The following FOXD4 variants were observed in gnomAD, a reference collection of about 807,000 sequenced individuals.
FOXD4 encodes the protein forkhead box protein D4.
In FOXD4, 22 loss-of-function variants were observed where a neutral mutation model predicts 26.5. The ratio of observed to expected loss-of-function variants is 0.83; its 90% confidence interval spans 0.59 to 1.18. The LOEUF is 1.18. FOXD4 is among the 50% of genes most tolerant of loss of function. The pLI is 0.00. For synonymous variants in FOXD4, 258 were observed against 273.7 expected (o/e 0.94, Z 0.57); for missense variants, 625 against 605.8 (o/e 1.03, Z -0.33).
chr9:118,369 T>C lies in FOXD4; in HGVS notation c.-250A>G, dbSNP rs1263329687. Among the ~76,000 whole-genome samples, 1 of 149,652 alleles carries C rather than the reference T, an allele frequency of 6.7e-6. No homozygotes were observed. The highest frequency in any genetic ancestry group is 1.5e-5 in the Non-Finnish European group (1 of 67,180). On this transcript the variant is annotated 5_prime_UTR_variant, in exon 1 of 1. Transcript: ENST00000382500. ...CCTTTATAACCCTTCTTCCCCTACC[T>C]CGGAGCGGTGCCACTTCCTCCTAAC... is the stretch of plus-strand genomic sequence containing the variant.
Position 118,362 on chromosome 9 carries a change from C to T in FOXD4, c.-243G>A, listed in dbSNP as rs143474290. Among the ~76,000 whole-genome samples, 897 of 150,052 alleles carry T rather than the reference C, an allele frequency of 6.0e-3. 9 individuals carry two copies. The highest frequency in any genetic ancestry group is 0.021 in the African/African-American group (850 of 41,144). On this transcript the variant is annotated 5_prime_UTR_variant, in exon 1 of 1. Coordinates refer to ENST00000382500, the MANE Select transcript of FOXD4 (RefSeq NM_207305.5). ...ACGCCTCCCTTTATAACCCTTCTTCCCCTACCTCGGAGCGGTGCCACTTCC... is the reference window on the plus strand; with the variant it reads ...ACGCCTCCCTTTATAACCCTTCTTCTCCTACCTCGGAGCGGTGCCACTTCC...
chr9:117,531 T>A lies in FOXD4; in HGVS notation c.589A>T (p.Arg197Trp), dbSNP rs771720191. ...MFDNGSFLRRRKRFQRHQPTP... is the reference protein window; with the variant it reads ...MFDNGSFLRRWKRFQRHQPTP... ...GGTTGGTGGCGCTGGAAACGCTTCC[T>A]ACGCCGGAGAAAGCTGCCATTGTCG... Residue 197 changes from arginine (R) to tryptophan (W), a missense_variant, in exon 1 of 1, where the codon AGG becomes TGG. Around this residue, in one of 3 missense-constraint regions of FOXD4, gnomAD observed 399 missense variants for 329.4 expected, o/e 1.21. Transcript: ENST00000382500. 2 of 1,612,328 alleles carry A rather than the reference T, an allele frequency of 1.2e-6. No individual in the cohort carries two copies. Among genetic ancestry groups the A allele is most frequent in the African/African-American group, 2.7e-5 (2 of 74,854 alleles).
chr9:116,901 G>T lies in FOXD4; in HGVS notation c.1219C>A (p.Leu407Met). ...CCCAAAGGGGCGGCCAGCGATGTCA[G>T]CCCAGAGCCCTCTGCCACCGCCTGA... is the stretch of plus-strand genomic sequence containing the variant. The part of the protein sequence containing the change: ...RYQAVAEGSG[L>M]TSLAAPLGGE... The change falls in exon 1 of 1, where the codon CTG (leucine) becomes ATG (methionine). Residue 407 changes from leucine (L) to methionine (M), a missense_variant. Leu to Met is a conservative substitution (Grantham distance 15). Coordinates refer to ENST00000382500, the MANE Select transcript of FOXD4 (RefSeq NM_207305.5). 2 of 1,611,032 alleles carry T rather than the reference G, an allele frequency of 1.2e-6. No individual in the cohort carries two copies. The highest frequency in any genetic ancestry group is 1.7e-6 in the Non-Finnish European group (2 of 1,179,230).
rs79220013 is a variant in FOXD4 at position 116,800 on chromosome 9, C to T, written c.1320G>A (p.Ter440=). 6.3e-6 allele frequency: 10 copies of T among 1,591,474 alleles called. No individual in the cohort carries two copies. In the South Asian group the frequency reaches 1.0e-4, roughly 16 times the overall value. ...GGTCGCTCCCCACTCCCACCTGGCT[C>T]TAGGAGGGCCCTGCGGACTCGGCCA... ...SSLAESAGPS[*] The change falls in exon 1 of 1, where the codon TAG becomes TAA. Residue 440 remains the stop codon, a stop_retained_variant. Transcript: ENST00000382500.
rs1238608101 is a variant in FOXD4 at position 118,332 on chromosome 9, G to T, written c.-213C>A. The T allele has an allele frequency of 1.2e-5, 11 of 938,712 alleles. No individual in the cohort carries two copies. Among genetic ancestry groups the T allele is most frequent in the African/African-American group, 1.6e-5 (1 of 60,678 alleles). The allele number at this position is 938,712 out of a possible 1,614,324, so 58.1% of individuals were successfully genotyped here. A position where few individuals can be genotyped will look rare whatever the true frequency, so the allele number is the denominator to read the frequency against. On this transcript the variant is annotated 5_prime_UTR_variant, in exon 1 of 1. Coordinates refer to ENST00000382500, the MANE Select transcript of FOXD4 (RefSeq NM_207305.5). ...TAAAAGCTTCTTCAAGACCATGTGT[G>T]GTGGACGCCTCCCTTTATAACCCTT... is the stretch of plus-strand genomic sequence containing the variant.
At position 118,102 on chromosome 9, in the gene FOXD4, A is replaced by G. The variant is rs566509572; in HGVS notation, c.18T>C (p.Ala6=). 6 of 1,611,954 alleles carry G rather than the reference A, an allele frequency of 3.7e-6. No individual in the cohort carries two copies. The highest frequency in any genetic ancestry group is 1.7e-5 in the Admixed American group (1 of 60,016). Residue 6 remains alanine (A), a synonymous_variant, in exon 1 of 1, where the codon GCT becomes GCC. Transcript: ENST00000382500. MNLPR[A]ERLRSTPQRS... is the part of the protein sequence containing the mutation. ...GCTGCGGTGTGGAGCGAAGGCGCTC[A>G]GCTCTTGGCAAGTTCATGGCGGAGC...
In FOXD4 at chr9:117,893, G is replaced by T; in HGVS notation, c.227C>A (p.Pro76Gln). The change falls in exon 1 of 1, where the codon CCG becomes CAG. Residue 76 changes from proline (P) to glutamine (Q), a missense_variant. By Grantham distance (76) the Pro-to-Gln change is moderately conservative. This residue lies in a region of FOXD4 where 399 missense variants were observed against 329.4 expected (regional missense o/e 1.21). Coordinates refer to ENST00000382500, the MANE Select transcript of FOXD4 (RefSeq NM_207305.5). ...PREHIEGGGG[P>Q]SDPSEFGTEF... is the part of the protein sequence containing the mutation. ...GGTGCCAAACTCTGAGGGGTCGCTCGGGCCGCCGCCGCCCTCGATGTGCTC... is the reference window on the plus strand; with the variant it reads ...GGTGCCAAACTCTGAGGGGTCGCTCTGGCCGCCGCCGCCCTCGATGTGCTC... 1 of 1,611,844 alleles carries T rather than the reference G, an allele frequency of 6.2e-7. No individual in the cohort carries two copies. The highest frequency in any genetic ancestry group is 1.7e-5 in the Admixed American group (1 of 60,002).
chr9:116,946 C>A lies in FOXD4; in HGVS notation c.1174G>T (p.Ala392Ser). The change falls in exon 1 of 1, where the codon GCG becomes TCG. Residue 392 changes from alanine to serine, a missense_variant. Physicochemically the swap from Ala to Ser is moderately conservative, Grantham distance 99. Coordinates refer to ENST00000382500, the MANE Select transcript of FOXD4 (RefSeq NM_207305.5). Reference protein sequence around the residue: ...GAVLGGHLSAASALLRYQAVA... With the variant: ...GAVLGGHLSASSALLRYQAVA... ...GCCTGATACCGCAGCAGCGCCGACG[C>A]GGCCGACAGGTGCCCGCCCAGCACC... 6 of 1,611,390 alleles carry A rather than the reference C, an allele frequency of 3.7e-6. No individual in the cohort carries two copies. Among genetic ancestry groups the A allele is most frequent in the Non-Finnish European group, 5.1e-6 (6 of 1,179,462 alleles).
rs761286086 is a variant in FOXD4 at position 116,971 on chromosome 9, C to A, written c.1149G>T (p.Ala383=). ...CGGCCGACAGGTGCCCGCCCAGCAC[C>A]GCGCCCTTGGTGGGAGCGCAGCCGT... ...CANGCAPTKG[A]VLGGHLSAAS... The change falls in exon 1 of 1, where the codon GCG becomes GCT. Residue 383 remains alanine, a synonymous_variant. Coordinates refer to ENST00000382500, the MANE Select transcript of FOXD4 (RefSeq NM_207305.5). 6.2e-6 allele frequency: 10 copies of A among 1,611,932 alleles called. No homozygotes were observed. Among genetic ancestry groups the A allele is most frequent in the Non-Finnish European group, 8.5e-6 (10 of 1,179,792 alleles).
Position 118,375 on chromosome 9 carries a change from C to T in FOXD4, c.-256G>A, listed in dbSNP as rs112553853. Among the ~76,000 whole-genome samples, 1 of 149,882 alleles carries T rather than the reference C, an allele frequency of 6.7e-6. No individual in the cohort carries two copies. On this transcript the variant is annotated 5_prime_UTR_variant, in exon 1 of 1. Transcript: ENST00000382500. ...TAACCCTTCTTCCCCTACCTCGGAG[C>T]GGTGCCACTTCCTCCTAACGTAGTC...
In FOXD4 at chr9:118,177, G is replaced by A; in HGVS notation, c.-58C>T. ...GGCGGCCGGATCACCTGGCCCCGGCGGGCTGAGCTGGAAGCCCGGGATGAA... is the reference window on the plus strand; with the variant it reads ...GGCGGCCGGATCACCTGGCCCCGGCAGGCTGAGCTGGAAGCCCGGGATGAA... On this transcript the variant is annotated 5_prime_UTR_variant, in exon 1 of 1. Coordinates refer to ENST00000382500, the MANE Select transcript of FOXD4 (RefSeq NM_207305.5). 13 of 1,301,130 alleles carry A rather than the reference G, an allele frequency of 1.0e-5. No homozygotes were observed. The Middle Eastern group carries it at 8.0e-4, about 80-fold the overall frequency. The allele number at this position is 1,301,130 out of a possible 1,614,324, so 80.6% of individuals were successfully genotyped here. A position where few individuals can be genotyped will look rare whatever the true frequency, so the allele number is the denominator to read the frequency against.
chr9:116,612 T>C lies in FOXD4; in HGVS notation c.*188A>G, dbSNP rs1303956166. The C allele has an allele frequency of 9.8e-6, 10 of 1,024,520 alleles. No individual in the cohort carries two copies. The highest frequency in any genetic ancestry group is 4.2e-6 in the Non-Finnish European group (3 of 709,448). The allele number at this position is 1,024,520 out of a possible 1,614,324, so 63.5% of individuals were successfully genotyped here. On this transcript the variant is annotated 3_prime_UTR_variant, in exon 1 of 1. Transcript: ENST00000382500. ...ACAACCGAAGGCAAGAAAAGATGAC[T>C]TGACGCCCTGCGAAGGTTACGTTCA...
Position 117,991 on chromosome 9 carries a change from G to A in FOXD4, c.129C>T (p.Ser43=), listed in dbSNP as rs770564766. 6.2e-7 allele frequency: 1 copy of A among 1,611,942 alleles called. No individual in the cohort carries two copies. Among genetic ancestry groups the A allele is most frequent in the East Asian group, 2.2e-5 (1 of 44,868 alleles). The stretch of plus-strand genomic sequence containing the variant: ...GGAGCGACTGCTCTAGGAACTGCTG[G>A]CTCGCCGCCTCCTCCTCGTCTTCAT... ...EEDEDEEEAA[S]QQFLEQSLQP... Residue 43 remains serine, a synonymous_variant, in exon 1 of 1, where the codon AGC becomes AGT. Coordinates refer to ENST00000382500, the MANE Select transcript of FOXD4 (RefSeq NM_207305.5).
In FOXD4 at chr9:117,516, G is replaced by T. The variant is rs200776568; in HGVS notation, c.604C>A (p.Arg202Ser). 13 of 1,611,822 alleles carry T rather than the reference G, an allele frequency of 8.1e-6. No homozygotes were observed. The highest frequency in any genetic ancestry group is 1.1e-5 in the South Asian group (1 of 91,006). ...SFLRRRKRFQ[R>S]HQPTPGAHLP... ...TGGGCTCCCGGGGTCGGTTGGTGGC[G>T]CTGGAAACGCTTCCTACGCCGGAGA... The change falls in exon 1 of 1, where the codon CGC (arginine) becomes AGC (serine). Residue 202 changes from arginine (R) to serine (S), a missense_variant. Physicochemically the swap from Arg to Ser is moderately radical, Grantham distance 110. Coordinates refer to ENST00000382500, the MANE Select transcript of FOXD4 (RefSeq NM_207305.5).
Position 116,722 on chromosome 9 carries a change from A to G in FOXD4, c.*78T>C. ...AAGTTCGTGTTTGCTCTCCAGCGGG[A>G]TTCAGATGCACACGCCCAGTATGGG... On this transcript the variant is annotated 3_prime_UTR_variant, in exon 1 of 1. Coordinates refer to ENST00000382500, the MANE Select transcript of FOXD4 (RefSeq NM_207305.5). 1 of 1,520,298 alleles carries G rather than the reference A, an allele frequency of 6.6e-7. No homozygotes were observed. The highest frequency in any genetic ancestry group is 8.8e-7 in the Non-Finnish European group (1 of 1,136,656). The allele number at this position is 1,520,298 out of a possible 1,614,324, so 94.2% of individuals were successfully genotyped here. A position where few individuals can be genotyped will look rare whatever the true frequency, so the allele number is the denominator to read the frequency against.
In FOXD4 at chr9:116,919, C is replaced by G; in HGVS notation, c.1201G>C (p.Val401Leu). 6.2e-7 allele frequency: 1 copy of G among 1,611,138 alleles called. No homozygotes were observed. ...AASALLRYQA[V>L]AEGSGLTSLA... ...GATGTCAGCCCAGAGCCCTCTGCCA[C>G]CGCCTGATACCGCAGCAGCGCCGAC... Residue 401 changes from valine (V) to leucine (L), a missense_variant, in exon 1 of 1, where the codon GTG (valine) becomes CTG (leucine). This residue lies in a region of FOXD4 where 134 missense variants were observed against 132.2 expected (regional missense o/e 1.01). Transcript: ENST00000382500.
In FOXD4 at chr9:116,464, G is replaced by A; in HGVS notation, c.*336C>T. 4.5e-6 allele frequency: 2 copies of A among 449,162 alleles called. No homozygotes were observed. Among genetic ancestry groups the A allele is most frequent in the Non-Finnish European group, 8.3e-6 (2 of 241,368 alleles). The allele number at this position is 449,162 out of a possible 1,614,324, so 27.8% of individuals were successfully genotyped here. ...CAAGGAAGTGAAGAAGGGGGAACAT[G>A]TTTGGCATCGGAGGCTGTGTTTTTG... On this transcript the variant is annotated 3_prime_UTR_variant, in exon 1 of 1. Coordinates refer to ENST00000382500, the MANE Select transcript of FOXD4 (RefSeq NM_207305.5).
At position 117,663 on chromosome 9, in the gene FOXD4, G is replaced by C. The variant is rs747974871; in HGVS notation, c.457C>G (p.Arg153Gly). The C allele has an allele frequency of 1.9e-6, 3 of 1,613,670 alleles. 1 individual carries two copies. The highest frequency in any genetic ancestry group is 2.2e-5 in the East Asian group (1 of 44,880). Residue 153 changes from arginine to glycine, a missense_variant, in exon 1 of 1, where the codon CGC becomes GGC. Physicochemically the swap from Arg to Gly is moderately radical, Grantham distance 125. Around this residue, in one of 3 missense-constraint regions of FOXD4, gnomAD observed 399 missense variants for 329.4 expected, o/e 1.21. Coordinates refer to ENST00000382500, the MANE Select transcript of FOXD4 (RefSeq NM_207305.5). ...CAGTCGTTCAGCGAGAGGTTGTGGCGGATGCTGTTCTGCCAGGCGGGGAAC... is the reference window on the plus strand; with the variant it reads ...CAGTCGTTCAGCGAGAGGTTGTGGCCGATGCTGTTCTGCCAGGCGGGGAAC... ...RKFPAWQNSI[R>G]HNLSLNDCFV... is the part of the protein sequence containing the mutation.
Position 116,557 on chromosome 9 carries a change from C to A in FOXD4, c.*243G>T, listed in dbSNP as rs1867912. 0.22 allele frequency: 148,690 copies of A among 685,708 alleles called. 3 individuals carry two copies. Among genetic ancestry groups the A allele is most frequent in the East Asian group, 0.38 (13,334 of 34,986 alleles). The allele number at this position is 685,708 out of a possible 1,614,324, so 42.5% of individuals were successfully genotyped here. ...CACTCACGTTCATAGTACCCCAGGA[C>A]ATGTGCAAATCGGGAAAGCCACAGA... is the stretch of plus-strand genomic sequence containing the variant. On this transcript the variant is annotated 3_prime_UTR_variant, in exon 1 of 1. Transcript: ENST00000382500.
Sources: gnomAD v4.1 joint callset for allele counts (sites outside exome capture counted in the v4.1 genomes callset) on GRCh38, gnomAD v4.1.1 for gene constraint, gnomAD v4.1.1 regional missense constraint, MANE v1.5 for transcripts, NCBI Gene and HGNC (gene_info 2026-07-23, HGNC 2026-07-21) for gene names.